Variants in DPP10 observed in about 807,000 individuals in gnomAD.
DPP10 encodes the protein dipeptidyl peptidase like 10.
Under a neutral mutation model 120.9 loss-of-function variants are expected in DPP10, and 33 were observed. That is an observed-to-expected ratio of 0.27 (90% CI 0.21 to 0.37). DPP10 has a LOEUF of 0.37. Among genes scored for constraint, DPP10 ranks in the 10% least tolerant of loss-of-function variants. The pLI is 1.00. For synonymous variants in DPP10, 337 were observed against 326.1 expected (o/e 1.03, Z -0.36); for missense variants, 816 against 942.8 (o/e 0.87, Z 1.76).
intron 5 of DPP10, among the ~76,000 whole-genome samples, chr2:115,581,736 T>C (rs1201709105): frequency 6.6e-6 from 1 of 152,010 alleles, no homozygotes; most frequent in African/African-American, 2.4e-5. Flanking sequence ...CATTTAACAA[T>C]AAATTGAGCC....
intron 1 of DPP10, among the ~76,000 whole-genome samples, chr2:115,200,075 G>A (rs1230068645): frequency 2.6e-5 from 4 of 152,086 alleles, no homozygotes; most frequent in Admixed American, 6.6e-5. Flanking sequence ...CTGTGCATCC[G>A]TTGTTGCATC....
intron 17 of DPP10, among the ~76,000 whole-genome samples, chr2:115,782,705 G>T (rs1430849855): frequency 6.6e-6 from 1 of 151,980 alleles, no homozygotes; most frequent in South Asian, 2.1e-4. Flanking sequence ...TAATGTTCTG[G>T]TTCATTCTTG....
chr2:114,504,310 C>G (rs933675056), intron 1 of DPP10, among the ~76,000 whole-genome samples: 2 of 152,126 alleles, frequency 1.3e-5, no homozygotes, highest in Non-Finnish European at 2.9e-5. Context: ...TGTTTTTGAG[C>G]AATTGCTTCT....
Position 115,665,351 on chromosome 2 carries a change from T to G in DPP10, c.442-24336T>G, listed in dbSNP as rs553559785. Among the ~76,000 whole-genome samples, 34 of 152,328 alleles carry G rather than the reference T, an allele frequency of 2.2e-4. No homozygotes were observed. In the South Asian group the frequency reaches 7.0e-3, roughly 32 times the overall value. On this transcript the variant is annotated intron_variant, in intron 5 of 25. Coordinates refer to ENST00000410059, the MANE Select transcript of DPP10 (RefSeq NM_020868.6). Reference sequence around the variant, plus strand: ...ATCTGAGATACCATCAATTGAAAGATATACCATTATTTTGTATTTTCATGA... The same window carrying G: ...ATCTGAGATACCATCAATTGAAAGAGATACCATTATTTTGTATTTTCATGA...
rs141133375 is a variant in DPP10, at chr2:115,374,189, G to C, written c.271+30277G>C. 5.8e-3 allele frequency among the ~76,000 whole-genome samples: 875 copies of C among 152,138 alleles called. 6 individuals are homozygous for C. Among genetic ancestry groups the C allele is most frequent in the African/African-American group, 0.017 (704 of 41,516 alleles). On this transcript the variant is annotated intron_variant, in intron 3 of 25. Transcript: ENST00000410059. ...CCCCCAGTGTCTTAACTCATTCCAG[G>C]AATAACTCAAAAGTTCAAGTCCAAG...
At chr2:115,792,458 A>G (rs1212522386) in intron 19 of DPP10, among the ~76,000 whole-genome samples, 2 of 152,088 alleles carry the variant, frequency 1.3e-5, no homozygotes, top group Admixed American at 6.5e-5. Flanking sequence ...ATAATATAAT[A>G]TTTAATTTTC....
At chr2:115,059,352 C>CTTTTT (rs70941024) in intron 1 of DPP10, among the ~76,000 whole-genome samples, 3 of 135,772 alleles carry the variant, frequency 2.2e-5, no homozygotes, top group Admixed American at 7.5e-5. Context: ...GTAGGTATTT[C>CTTTTT]TTTTTTTTTT....
At chr2:114,812,843 C>A (rs1318658272) in intron 1 of DPP10, among the ~76,000 whole-genome samples, 1 of 152,126 alleles carries the variant, frequency 6.6e-6, no homozygotes. Context: ...CTCACAAATA[C>A]ATGGTTTTGG....
rs776977418 is a variant in DPP10 at position 115,791,204 on chromosome 2, A to G, written c.1630+25A>G. ...GGTAAAATTTTGTGCATGCTATGTT[A>G]TTCAAGAACAACTTTCTCTGCGTCT... On this transcript the variant is annotated intron_variant, in intron 18 of 25. Transcript: ENST00000410059. 11 of 1,607,704 alleles carry G rather than the reference A, an allele frequency of 6.8e-6. No individual in the cohort carries two copies. The East Asian group carries it at 2.0e-4, about 29-fold the overall frequency.
Position 115,364,314 on chromosome 2 carries a change from C to T in DPP10, c.271+20402C>T, listed in dbSNP as rs534494929. Among the ~76,000 whole-genome samples the T allele has an allele frequency of 2.6e-4, 40 of 152,048 alleles. 2 individuals carry two copies. The South Asian group carries it at 7.5e-3, about 28-fold the overall frequency. On this transcript the variant is annotated intron_variant, in intron 3 of 25. Coordinates refer to ENST00000410059, the MANE Select transcript of DPP10 (RefSeq NM_020868.6). ...GCTTAAGTTCTTATTGTGTAAAGATCCTGTAACTCGCTAAATTAGCTTAAA... is the reference window on the plus strand; with the variant it reads ...GCTTAAGTTCTTATTGTGTAAAGATTCTGTAACTCGCTAAATTAGCTTAAA...
chr2:115,017,516 G>A (rs1438003368), intron 1 of DPP10, among the ~76,000 whole-genome samples: 3 of 152,100 alleles, frequency 2.0e-5, no homozygotes, highest in African/African-American at 7.2e-5. Context: ...TATACCCAAA[G>A]GATTATAAAT....
chr2:115,539,895 C>G (rs987160291), intron 5 of DPP10, among the ~76,000 whole-genome samples: 2 of 151,224 alleles, frequency 1.3e-5, no homozygotes, highest in South Asian at 4.2e-4. Flanking sequence ...TCTAATTATA[C>G]CAAGACAGCA....
chr2:115,715,516 G>A (rs62155332), intron 7 of DPP10, among the ~76,000 whole-genome samples: 12,928 of 151,878 alleles, frequency 0.085, 683 homozygotes, highest in Non-Finnish European at 0.11. Context: ...TTTCTGCTTC[G>A]CTATATTATA....
At chr2:115,611,816 T>G (rs2084121593) in intron 5 of DPP10, among the ~76,000 whole-genome samples, 2 of 152,072 alleles carry the variant, frequency 1.3e-5, no homozygotes, top group Non-Finnish European at 2.9e-5. Flanking sequence ...TTCTGAAATA[T>G]TTCTCTCTCT....
intron 24 of DPP10, among the ~76,000 whole-genome samples, chr2:115,836,964 C>A (rs150176299): frequency 6.6e-6 from 1 of 152,148 alleles, no homozygotes. Context: ...CAATCAAACT[C>A]CCTGTAATGA....
intron 1 of DPP10, among the ~76,000 whole-genome samples, chr2:115,031,285 C>G (rs565753586): frequency 3.5e-4 from 54 of 152,240 alleles, no homozygotes; most frequent in Non-Finnish European, 6.8e-4. Context: ...TGAGAAGACA[C>G]AAAGTGTAGG....
At chr2:115,724,452 A>G (rs926964949) in intron 7 of DPP10, among the ~76,000 whole-genome samples, 7 of 152,236 alleles carry the variant, frequency 4.6e-5, no homozygotes, top group African/African-American at 1.4e-4. Flanking sequence ...ATTGATTCGA[A>G]TATCCCTTGA....
intron 1 of DPP10, among the ~76,000 whole-genome samples, chr2:114,800,378 T>C (rs1684089832): frequency 6.6e-6 from 1 of 152,236 alleles, no homozygotes. Flanking sequence ...GTGTTTTATT[T>C]TTCTAGAACA....
intron 1 of DPP10, among the ~76,000 whole-genome samples, chr2:114,524,257 G>C (rs563363380): frequency 2.6e-5 from 4 of 152,322 alleles, no homozygotes; most frequent in Admixed American, 2.6e-4. Context: ...CAGAATGTCA[G>C]GGAGGCCAGT....
Sources: allele counts gnomAD v4.1 joint callset (sites outside exome capture counted in the v4.1 genomes callset), GRCh38; gene constraint gnomAD v4.1.1; transcripts MANE v1.5; gene names NCBI Gene and HGNC (gene_info 2026-07-23, HGNC 2026-07-21).